The following CCDC149 variants were observed in gnomAD, a reference collection of about 807,000 sequenced individuals.
CCDC149 encodes the protein coiled-coil domain containing 149, also known as coiled-coil domain-containing protein 149.
In CCDC149, 45 loss-of-function variants were observed where a neutral mutation model predicts 59.9. The ratio of observed to expected loss-of-function variants is 0.75; its 90% CI spans 0.59 to 0.96. The LOEUF (loss-of-function observed/expected upper bound fraction) is 0.96. Ranked by LOEUF, CCDC149 falls within the 40% of genes least tolerant of loss-of-function variation. The probability of loss-of-function intolerance (pLI) is 0.00; values close to 1 mark genes in which losing one functional copy is unlikely to be tolerated. For synonymous variants in CCDC149, 245 were observed against 260.6 expected (o/e 0.94, Z 0.58); for missense variants, 584 against 664.7 (o/e 0.88, Z 1.33).
At chr4:24,876,413 C>T (rs1308800148) in intron 2 of CCDC149, 123 bp downstream of exon 2, 5 of 1,076,164 alleles carry the variant, frequency 4.6e-6, no homozygotes, top group Non-Finnish European at 6.5e-6. Flanking sequence ...ACTTTTACTT[C>T]TAAATTTTTC....
At chr4:24,962,257 T>C (rs1441027327) in intron 1 of CCDC149, among the ~76,000 whole-genome samples, 1 of 151,912 alleles carries the variant, frequency 6.6e-6, no homozygotes, top group Non-Finnish European at 1.5e-5. Flanking sequence ...AAAACCGCAA[T>C]GAGATACCAT....
chr4:24,899,656 T>G (rs1577465900), intron 1 of CCDC149, among the ~76,000 whole-genome samples: 1 of 152,184 alleles, frequency 6.6e-6, no homozygotes, highest in South Asian at 2.1e-4. Context: ...GACAGGCTCC[T>G]GTGCTCTCCC....
At chr4:24,927,182 C>T (rs991960775) in intron 1 of CCDC149, among the ~76,000 whole-genome samples, 2 of 152,130 alleles carry the variant, frequency 1.3e-5, no homozygotes, top group Non-Finnish European at 2.9e-5. Context: ...AGCCATCTTT[C>T]GAAAATATAA....
chr4:24,944,601 G>A (rs1001609894), intron 1 of CCDC149, among the ~76,000 whole-genome samples: 4 of 151,816 alleles, frequency 2.6e-5, no homozygotes, highest in Admixed American at 1.3e-4. Context: ...AGGTGGGGTG[G>A]GAGGCAAGGG....
intron 3 of CCDC149, among the ~76,000 whole-genome samples, chr4:24,864,996 G>A (rs1410777705): frequency 1.3e-5 from 2 of 152,156 alleles, no homozygotes; most frequent in Admixed American, 1.3e-4. Flanking sequence ...AGGAATGACT[G>A]TATATGTAAC....
chr4:24,970,018 G>A (rs1451709068), intron 1 of CCDC149, among the ~76,000 whole-genome samples: 1 of 152,248 alleles, frequency 6.6e-6, no homozygotes, highest in Non-Finnish European at 1.5e-5. Flanking sequence ...CTTTGGCACA[G>A]ATACAGGACT....
intron 1 of CCDC149, among the ~76,000 whole-genome samples, chr4:24,893,613 CTTTTTTTT>C (rs3066508): frequency 3.0e-5 from 2 of 65,876 alleles, no homozygotes; most frequent in Admixed American, 6.1e-4. Context: ...AAAATACAGA[CTTTTTTTT>C]TTTTTTTTTT....
At chr4:24,907,933 T>A (rs960637794) in intron 1 of CCDC149, among the ~76,000 whole-genome samples, 3 of 152,202 alleles carry the variant, frequency 2.0e-5, no homozygotes, top group African/African-American at 7.2e-5. Flanking sequence ...GACTCCAGTT[T>A]CTGCCTCTGT....
chr4:24,934,870 A>C (rs1722695771), intron 1 of CCDC149, among the ~76,000 whole-genome samples: 1 of 152,266 alleles, frequency 6.6e-6, no homozygotes, highest in Admixed American at 6.5e-5. Context: ...TACGATAAGT[A>C]AACAGTTGAT....
chr4:24,813,489 A>AATATATATATATATAT (rs57650226), intron 12 of CCDC149, among the ~76,000 whole-genome samples: 44 of 113,698 alleles, frequency 3.9e-4, no homozygotes, highest in East Asian at 4.8e-4. Context: ...CAGCTTGGGG[A>AATATATATATATATAT]ATATATATAT....
chr4:24,976,558 CA>C, intron 1 of CCDC149, among the ~76,000 whole-genome samples: 1 of 152,180 alleles, frequency 6.6e-6, no homozygotes, highest in East Asian at 1.9e-4. Context: ...ACCAAAAATA[CA>C]AAAATTAGCT....
In CCDC149 at chr4:24,950,497, T is replaced by C. The variant is rs375019565; in HGVS notation, c.-65+29572A>G. On this transcript the variant is annotated intron_variant, in intron 1 of 12. Coordinates refer to the CCDC149 transcript ENST00000389609. ...TCGAGTGGACTCGGGGGTGGGAATA[T>C]GGCTGCTGGGAATGAGCAGAACATT... is the stretch of plus-strand genomic sequence containing the variant. Among the ~76,000 whole-genome samples the C allele has an allele frequency of 1.1e-4, 17 of 152,344 alleles. No individual in the cohort carries two copies. The East Asian group carries it at 3.1e-3, about 28-fold the overall frequency.
chr4:24,904,168 A>G (rs556156842), intron 1 of CCDC149, among the ~76,000 whole-genome samples: 2 of 152,242 alleles, frequency 1.3e-5, no homozygotes, highest in African/African-American at 4.8e-5. Flanking sequence ...GTGTATGCAC[A>G]CATCCAAACT....
intron 1 of CCDC149, among the ~76,000 whole-genome samples, chr4:24,918,593 G>A (rs1052605080): frequency 6.6e-5 from 10 of 152,172 alleles, no homozygotes; most frequent in African/African-American, 1.4e-4. Flanking sequence ...GGAGATTCAC[G>A]ACTCTAAGGT....
intron 7 of CCDC149, 43 bp from the exon 8 acceptor site, chr4:24,835,075 C>T: frequency 6.8e-7 from 1 of 1,464,552 alleles, no homozygotes; most frequent in South Asian, 1.2e-5. Context: ...TCAGAAAAGC[C>T]AACAATGGAA....
At chr4:24,932,696 T>G (rs1195482935) in intron 1 of CCDC149, among the ~76,000 whole-genome samples, 1 of 152,036 alleles carries the variant, frequency 6.6e-6, no homozygotes, top group African/African-American at 2.4e-5. Flanking sequence ...CAGACTAAAT[T>G]TAGAAAAATT....
chr4:24,948,925 A>T (rs574446595), intron 1 of CCDC149, among the ~76,000 whole-genome samples: 1 of 152,200 alleles, frequency 6.6e-6, no homozygotes, highest in Non-Finnish European at 1.5e-5. Flanking sequence ...GCCATCCACT[A>T]TGTAAGATGT....
intron 4 of CCDC149, among the ~76,000 whole-genome samples, chr4:24,847,534 T>G (rs1399857173): frequency 6.6e-6 from 1 of 152,206 alleles, no homozygotes; most frequent in Non-Finnish European, 1.5e-5. Context: ...CTCAGCTGCT[T>G]TGATGTGTCC....
intron 9 of CCDC149, chr4:24,830,682 G>A (rs1716087341): frequency 6.6e-6 from 1 of 152,176 alleles, no homozygotes; most frequent in Non-Finnish European, 1.5e-5. Flanking sequence ...TTGGTTCCAG[G>A]TGTACGTCTG....
Sources: gnomAD v4.1 joint callset for allele counts (sites outside exome capture counted in the v4.1 genomes callset) on GRCh38, gnomAD v4.1.1 for gene constraint, MANE v1.5 for transcripts, NCBI Gene and HGNC (gene_info 2026-07-23, HGNC 2026-07-21) for gene names.